TSNARE1: variants seen among roughly 807,000 people sequenced by gnomAD.
TSNARE1 encodes t-SNARE domain-containing protein 1.
Under a neutral mutation model 62.0 loss-of-function variants are expected in TSNARE1, and 49 were observed. That is an observed-to-expected ratio of 0.79 (90% CI 0.63 to 1.00). TSNARE1 has a LOEUF of 1.00. Among genes scored for constraint, TSNARE1 ranks in the 50% least tolerant of loss-of-function variants. The pLI is 0.00. For missense variants in TSNARE1, 755 were observed against 700.1 expected (o/e 1.08, Z -0.88); for synonymous variants, 328 against 294.4 (o/e 1.11, Z -1.17).
At chr8:142,293,032 C>A (rs1450412143) in intron 10 of TSNARE1, among the ~76,000 whole-genome samples, 1 of 152,132 alleles carries the variant, frequency 6.6e-6, no homozygotes, top group African/African-American at 2.4e-5. Context: ...GCTCCAGGAC[C>A]CCACATGAAG....
chr8:142,233,319 C>T (rs970595362), intron 12 of TSNARE1, among the ~76,000 whole-genome samples: 5 of 152,160 alleles, frequency 3.3e-5, no homozygotes, highest in African/African-American at 7.2e-5. Context: ...AGGACCCAAG[C>T]GGGGTTTTTG....
At chr8:142,306,320 C>G (rs1167888932) in intron 9 of TSNARE1, among the ~76,000 whole-genome samples, 2 of 152,216 alleles carry the variant, frequency 1.3e-5, no homozygotes, top group East Asian at 1.9e-4. Context: ...GAGAGTGAAG[C>G]AGGTCTTCAC....
intron 13 of TSNARE1, among the ~76,000 whole-genome samples, chr8:142,217,092 A>G (rs1002943321): frequency 1.3e-5 from 2 of 151,880 alleles, no homozygotes; most frequent in Admixed American, 1.3e-4. Flanking sequence ...AAATACAAAA[A>G]ATTAGCAAGG....
intron 1 of TSNARE1, among the ~76,000 whole-genome samples, chr8:142,389,718 G>C (rs905766497): frequency 2.6e-5 from 4 of 152,200 alleles, no homozygotes; most frequent in African/African-American, 4.8e-5. Context: ...GGGAGGGAGG[G>C]ATCCAAGGTG....
intron 10 of TSNARE1, 88 bp from the exon 11 acceptor site, chr8:142,284,573 G>C: frequency 1.9e-6 from 2 of 1,063,524 alleles, no homozygotes; most frequent in Non-Finnish European, 2.9e-6. Context: ...AACCTGGGGC[G>C]GGCCCAGGTG....
intron 11 of TSNARE1, among the ~76,000 whole-genome samples, chr8:142,282,849 G>C (rs1369417804): frequency 1.5e-5 from 2 of 136,492 alleles, no homozygotes; most frequent in Admixed American, 7.2e-5. Flanking sequence ...GGTGGGGCCA[G>C]TGTCTATCAA....
intron 13 of TSNARE1, among the ~76,000 whole-genome samples, chr8:142,218,751 C>T (rs1401099802): frequency 6.6e-6 from 1 of 152,204 alleles, no homozygotes; most frequent in Non-Finnish European, 1.5e-5. Flanking sequence ...CCCTGGGTGG[C>T]CCTGGAGCCT....
chr8:142,246,117 C>A (rs771138850), intron 12 of TSNARE1, among the ~76,000 whole-genome samples: 2 of 152,324 alleles, frequency 1.3e-5, no homozygotes, highest in Middle Eastern at 3.4e-3. Context: ...GGTTCCACAG[C>A]CCCCGTCCCA....
rs1307867460 is a variant in TSNARE1, at chr8:142,319,454, G to A, written c.894-820C>T. On this transcript the variant is annotated intron_variant, in intron 6 of 13. Coordinates refer to ENST00000524325, the MANE Select transcript of TSNARE1 (RefSeq NM_145003.5). The surrounding 1 kb of genome is among the most constrained non-coding windows in gnomAD (Gnocchi z 4.9). Reference sequence around the variant, plus strand: ...ACCTCGAAAGCAACTGGGAAGACCAGCCCGTCTCCCGCTTGGGGTTCGCCA... The same window carrying A: ...ACCTCGAAAGCAACTGGGAAGACCAACCCGTCTCCCGCTTGGGGTTCGCCA... 6.6e-6 allele frequency among the ~76,000 whole-genome samples: 1 copy of A among 152,056 alleles called. No homozygotes were observed. Among genetic ancestry groups the A allele is most frequent in the African/African-American group, 2.4e-5 (1 of 41,404 alleles).
At chr8:142,302,197 G>A (rs548387992) in intron 9 of TSNARE1, among the ~76,000 whole-genome samples, 2 of 152,106 alleles carry the variant, frequency 1.3e-5, no homozygotes, top group African/African-American at 4.8e-5. Context: ...GCAGACCCAT[G>A]GCGCCCTCAG....
chr8:142,274,927 A>C, intron 11 of TSNARE1, 64 bp from the exon 12 acceptor site: 1 of 1,429,484 alleles, frequency 7.0e-7, no homozygotes, highest in Non-Finnish European at 9.2e-7. Flanking sequence ...CCCTGAGGAC[A>C]CCCCCCAAAG....
Position 142,289,166 on chromosome 8 carries a change from A to G in TSNARE1, c.1291-4681T>C, listed in dbSNP as rs533050904. On this transcript the variant is annotated intron_variant, in intron 10 of 13. Transcript: ENST00000524325. ...GCACCCCCTGCCGAGGCGCTCACTG[A>G]TAAGTGAACATCATTCACCTCAAAC... Among the ~76,000 whole-genome samples, 30 of 152,284 alleles carry G rather than the reference A, an allele frequency of 2.0e-4. 2 individuals are homozygous for G. The South Asian group carries it at 6.2e-3, about 32-fold the overall frequency.
At chr8:142,254,220 C>G (rs1818317280) in intron 12 of TSNARE1, among the ~76,000 whole-genome samples, 1 of 152,178 alleles carries the variant, frequency 6.6e-6, no homozygotes, top group Non-Finnish European at 1.5e-5. Flanking sequence ...AGGGTACAGC[C>G]AACTGAGTTC....
At chr8:142,267,899 G>A (rs1043084485) in intron 12 of TSNARE1, among the ~76,000 whole-genome samples, 5 of 152,306 alleles carry the variant, frequency 3.3e-5, no homozygotes, top group Non-Finnish European at 5.9e-5. Context: ...AGGTCTTCCC[G>A]GGTGCCTCTC....
At chr8:142,275,066 G>A (rs1261573277) in intron 11 of TSNARE1, 2 of 985,320 alleles carry the variant, frequency 2.0e-6, no homozygotes, top group African/African-American at 3.5e-5. Context: ...TTAGAACGGA[G>A]GCCTGGAGGT....
Position 142,242,966 on chromosome 8 carries a change from A to AT in TSNARE1, c.1447-13388_1447-13387insA, listed in dbSNP as rs1355356077. ...CTGTCTCAAAAAAAAAAAAAAAAAA[A>AT]AAAAGCTAACAGATATATGACAAGG... is the stretch of plus-strand genomic sequence containing the variant. On this transcript the variant is annotated intron_variant, in intron 12 of 13. Transcript: ENST00000524325. 6.7e-3 allele frequency among the ~76,000 whole-genome samples: 1,014 copies of AT among 151,724 alleles called. 12 individuals are homozygous for AT. Among genetic ancestry groups the AT allele is most frequent in the African/African-American group, 0.023 (960 of 41,306 alleles).
At chr8:142,369,996 G>A (rs992854965) in intron 1 of TSNARE1, among the ~76,000 whole-genome samples, 2 of 152,140 alleles carry the variant, frequency 1.3e-5, no homozygotes, top group African/African-American at 4.8e-5. Context: ...GGGCCTTTTA[G>A]GAGGTAATGA....
chr8:142,282,816 A>G (rs1194987541), intron 11 of TSNARE1, among the ~76,000 whole-genome samples: 25 of 98,630 alleles, frequency 2.5e-4, no homozygotes, highest in East Asian at 6.5e-4. Context: ...CAGAGGCGGG[A>G]CCAGTGTCTG....
intron 10 of TSNARE1, among the ~76,000 whole-genome samples, chr8:142,286,270 C>T (rs930225628): frequency 1.3e-5 from 2 of 152,220 alleles, no homozygotes; most frequent in Non-Finnish European, 2.9e-5. Flanking sequence ...TGCCCTGGCA[C>T]ACCCGTCCAG....
Sources: allele counts gnomAD v4.1 joint callset (sites outside exome capture counted in the v4.1 genomes callset), GRCh38; gene constraint gnomAD v4.1.1; non-coding constraint Gnocchi (gnomAD v3.1); transcripts MANE v1.5; gene names NCBI Gene and HGNC (gene_info 2026-07-23, HGNC 2026-07-21).